COL12A1: variants seen among roughly 807,000 people sequenced by gnomAD.
COL12A1 encodes collagen alpha-1(XII) chain.
COL12A1 carries 114 observed loss-of-function variants against 349.7 expected under a neutral mutation model. The observed-to-expected ratio is 0.33, with a 90% confidence interval of 0.28 to 0.38. The LOEUF (loss-of-function observed/expected upper bound fraction) is 0.38. COL12A1 is among the 10% of genes least tolerant of loss of function. COL12A1 has a pLI of 1.00. For synonymous variants in COL12A1, 1,369 were observed against 1,329.0 expected (o/e 1.03, Z -0.66); for missense variants, 3,284 against 3,756.9 (o/e 0.87, Z 3.29).
At chr6:75,171,879 T>C (rs1308538728) in intron 13 of COL12A1, among the ~76,000 whole-genome samples, 2 of 152,242 alleles carry the variant, frequency 1.3e-5, no homozygotes, top group East Asian at 1.9e-4. Flanking sequence ...CATAATGCAA[T>C]GGGATAAATA....
At chr6:75,114,537 A>C (rs1304023895) in intron 49 of COL12A1, among the ~76,000 whole-genome samples, 1 of 152,022 alleles carries the variant, frequency 6.6e-6, no homozygotes, top group East Asian at 1.9e-4. Context: ...AGAACATTTA[A>C]TAACACTTTC....
chr6:75,135,170 G>A (rs907050467), intron 31 of COL12A1, among the ~76,000 whole-genome samples: 1 of 150,074 alleles, frequency 6.7e-6, no homozygotes, highest in Admixed American at 6.6e-5. Context: ...GGGCGGGGGG[G>A]ACTAATCATA....
intron 2 of COL12A1, among the ~76,000 whole-genome samples, chr6:75,196,162 C>T (rs145332232): frequency 6.6e-6 from 1 of 152,266 alleles, no homozygotes; most frequent in East Asian, 1.9e-4. Flanking sequence ...ACTGTCAGTG[C>T]ATGGTTGATG....
chr6:75,176,704 A>G (rs1159226479), intron 12 of COL12A1, among the ~76,000 whole-genome samples: 1 of 152,206 alleles, frequency 6.6e-6, no homozygotes. Flanking sequence ...TGAGATGATG[A>G]TAATAATAAC....
In COL12A1 at chr6:75,102,644, G is replaced by A. The variant is rs1582050849; in HGVS notation, c.8368C>T (p.Pro2790Ser). Residue 2790 changes from proline to serine, a missense_variant, in exon 56 of 66, where the codon CCT becomes TCT. Pro to Ser is a moderately conservative substitution (Grantham distance 74, BLOSUM62 -1). Transcript: ENST00000322507. ...CCATTGGGTCCCTGAGGGCCTGGAGGACCCTGGGGGCCTGGAGGACCTATG... is the reference window on the plus strand; with the variant it reads ...CCATTGGGTCCCTGAGGGCCTGGAGAACCCTGGGGGCCTGGAGGACCTATG... ...GDIGPPGPQG[P>S]PGPQGPNGLS... is the part of the protein sequence containing the mutation. 2 of 1,573,130 alleles carry A rather than the reference G, an allele frequency of 1.3e-6. No homozygotes were observed. Among genetic ancestry groups the A allele is most frequent in the East Asian group, 2.4e-5 (1 of 41,938 alleles).
At chr6:75,135,854 T>C (rs1766580657) in intron 31 of COL12A1, among the ~76,000 whole-genome samples, 2 of 152,188 alleles carry the variant, frequency 1.3e-5, no homozygotes, top group African/African-American at 4.8e-5. Flanking sequence ...AAAAACTTAA[T>C]ACATAACAAA....
At chr6:75,141,136 A>G (rs1333939872) in intron 27 of COL12A1, among the ~76,000 whole-genome samples, 1 of 152,210 alleles carries the variant, frequency 6.6e-6, no homozygotes, top group Admixed American at 6.5e-5. Context: ...ACACCAGAAA[A>G]TGTAAAACTA....
chr6:75,140,702 T>C (rs1213680122), intron 27 of COL12A1, among the ~76,000 whole-genome samples: 1 of 144,604 alleles, frequency 6.9e-6, no homozygotes, highest in Non-Finnish European at 1.5e-5. Context: ...TTTGACAAGA[T>C]GCCCTAATTA....
chr6:75,188,734 G>A (rs917376522), intron 7 of COL12A1, among the ~76,000 whole-genome samples, 199 bp from the exon 8 acceptor site: 1 of 152,118 alleles, frequency 6.6e-6, no homozygotes, highest in East Asian at 1.9e-4. Flanking sequence ...TTGACATATA[G>A]TGGTCAGCCA....
chr6:75,134,527 T>G (rs1196393771), intron 32 of COL12A1, among the ~76,000 whole-genome samples, 199 bp downstream of exon 32: 1 of 151,854 alleles, frequency 6.6e-6, no homozygotes, highest in Non-Finnish European at 1.5e-5. Flanking sequence ...GCCAAGATCG[T>G]GCCACTGCAC....
At chr6:75,177,637 C>A (rs990804778) in intron 12 of COL12A1, 26 bp downstream of exon 12, 1 of 1,613,950 alleles carries the variant, frequency 6.2e-7, no homozygotes. Flanking sequence ...TTGGTTGTCA[C>A]CATATGATAA....
intron 13 of COL12A1, among the ~76,000 whole-genome samples, chr6:75,174,709 T>C (rs529064337): frequency 6.6e-6 from 1 of 152,320 alleles, no homozygotes; most frequent in East Asian, 1.9e-4. Flanking sequence ...CCTTTTTTCA[T>C]AGATGTTTCC....
At chr6:75,095,031 T>TAAC in intron 60 of COL12A1, 77 bp downstream of exon 60, 1 of 1,320,856 alleles carries the variant, frequency 7.6e-7, no homozygotes, top group Non-Finnish European at 1.1e-6. Context: ...AACCTAAATA[T>TAAC]AACAAAGCTT....
chr6:75,105,187 T>A lies in COL12A1; in HGVS notation c.8265+19A>T, dbSNP rs9447445. 63,670 of 1,596,606 alleles carry A rather than the reference T, an allele frequency of 0.04. 4,848 individuals carry two copies. Among genetic ancestry groups the A allele is most frequent in the African/African-American group, 0.3 (22,666 of 74,408 alleles). ...AGATTTCAAAGGAAAAACCAGAGGA[T>A]CTATTTCAATTTCCTTACTGCAGGG... is the stretch of plus-strand genomic sequence containing the variant. On this transcript the variant is annotated intron_variant, in intron 54 of 65. Transcript: ENST00000322507.
At chr6:75,086,636 G>T in intron 65 of COL12A1, 79 bp from the exon 66 acceptor site, 3 of 897,088 alleles carry the variant, frequency 3.3e-6, no homozygotes, top group Non-Finnish European at 3.4e-6. Context: ...ATCTACGTAT[G>T]TAATGGTTAA....
rs1161635320 is a variant in COL12A1, at chr6:75,130,702, C to A, written c.6067+150G>T. 3 of 972,974 alleles carry A rather than the reference C, an allele frequency of 3.1e-6. No homozygotes were observed. The Admixed American group carries it at 8.1e-5, about 26-fold the overall frequency. 60.3% of individuals were successfully genotyped at this position (972,974 alleles called of 1,614,324 possible). A position where few individuals can be genotyped will look rare whatever the true frequency, so the allele number is the denominator to read the frequency against. On this transcript the variant is annotated intron_variant, in intron 36 of 65. Coordinates refer to ENST00000322507, the MANE Select transcript of COL12A1 (RefSeq NM_004370.6). ...ACGTCACACAAACAACAGTCACAGA[C>A]CCAATGTTTTCGCCTGGAATGTAAA...
chr6:75,117,271 C>T lies in COL12A1; in HGVS notation c.7519+111G>A, dbSNP rs565567380. 274 of 1,075,702 alleles carry T rather than the reference C, an allele frequency of 2.5e-4. No homozygotes were observed. In the African/African-American group the frequency reaches 3.6e-3, roughly 14 times the overall value. The allele number at this position is 1,075,702 out of a possible 1,614,324, so 66.6% of individuals were successfully genotyped here. A position where few individuals can be genotyped will look rare whatever the true frequency, so the allele number is the denominator to read the frequency against. On this transcript the variant is annotated intron_variant, in intron 47 of 65. Coordinates refer to ENST00000322507, the MANE Select transcript of COL12A1 (RefSeq NM_004370.6). ...ATTCATCAGGTTCTCAAGTGATTTC[C>T]CAGGATCTATTTATGCACAGACTTG...
chr6:75,196,972 T>C (rs240436), intron 2 of COL12A1, among the ~76,000 whole-genome samples: 3,597 of 152,296 alleles, frequency 0.024, 159 homozygotes, highest in African/African-American at 0.081. Flanking sequence ...GAGGTGTTCA[T>C]AGAAACTGTG....
chr6:75,104,727 C>T (rs1368516855), intron 54 of COL12A1, among the ~76,000 whole-genome samples: 1 of 152,158 alleles, frequency 6.6e-6, no homozygotes, highest in Non-Finnish European at 1.5e-5. Flanking sequence ...ATTCCAAACC[C>T]AGAGTTTATG....
Sources: gnomAD v4.1 joint callset for allele counts (sites outside exome capture counted in the v4.1 genomes callset) on GRCh38, gnomAD v4.1.1 for gene constraint, MANE v1.5 for transcripts, NCBI Gene and HGNC (gene_info 2026-07-23, HGNC 2026-07-21) for gene names.